EPHA5: variants seen among roughly 807,000 people sequenced by gnomAD.
EPHA5 encodes the protein ephrin type-A receptor 5.
Under a neutral mutation model 105.0 loss-of-function variants are expected in EPHA5, and 60 were observed. That is an observed-to-expected ratio of 0.57 (90% CI 0.46 to 0.71). The LOEUF (loss-of-function observed/expected upper bound fraction) is 0.71, where lower values mean the gene tolerates loss of function less well. Among genes scored for constraint, EPHA5 ranks in the 30% least tolerant of loss-of-function variants. The probability of loss-of-function intolerance (pLI) is 0.00; values close to 1 mark genes in which losing one functional copy is unlikely to be tolerated. For missense variants in EPHA5, 1,218 were observed against 1,274.7 expected, an observed-to-expected ratio of 0.96 and a Z score of 0.68; for synonymous variants, 513 against 449.1, an observed-to-expected ratio of 1.14 and a Z score of -1.80.
At chr4:65,365,662 TATATATATATATATATATATATATATA>T (rs1717815795) in intron 10 of EPHA5, among the ~76,000 whole-genome samples, 3 of 85,078 alleles carry the variant, frequency 3.5e-5, no homozygotes, top group South Asian at 3.1e-4. Flanking sequence ...TATATATATA[TATATATATATATATATATATATATATA>T]GTGAAACATT....
At chr4:65,558,716 G>A (rs978729543) in intron 3 of EPHA5, among the ~76,000 whole-genome samples, 1 of 151,726 alleles carries the variant, frequency 6.6e-6, no homozygotes, top group Non-Finnish European at 1.5e-5. Context: ...AACAGGCCCT[G>A]GTGTGTGATG....
At chr4:65,556,189 G>T (rs931752340) in intron 3 of EPHA5, among the ~76,000 whole-genome samples, 6 of 152,106 alleles carry the variant, frequency 3.9e-5, no homozygotes, top group Non-Finnish European at 8.8e-5. Flanking sequence ...AAAGCCAATT[G>T]GATGGTAAGT....
chr4:65,335,156 C>T (rs1721050930), intron 15 of EPHA5, among the ~76,000 whole-genome samples: 1 of 151,958 alleles, frequency 6.6e-6, no homozygotes, highest in Admixed American at 6.6e-5. Flanking sequence ...ATTAACATAA[C>T]ACTTTCTTGT....
chr4:65,517,996 T>C (rs1273024674), intron 3 of EPHA5, among the ~76,000 whole-genome samples: 3 of 151,928 alleles, frequency 2.0e-5, no homozygotes, highest in African/African-American at 7.2e-5. Context: ...AGATTAATTT[T>C]TGAGTTTTAG....
At chr4:65,500,777 A>C (rs898041945) in intron 3 of EPHA5, among the ~76,000 whole-genome samples, 1 of 150,256 alleles carries the variant, frequency 6.7e-6, no homozygotes, top group African/African-American at 2.4e-5. Context: ...TTAAAATACT[A>C]TACTTCTTTC....
chr4:65,654,430 T>C (rs987402076), intron 1 of EPHA5, among the ~76,000 whole-genome samples: 3 of 151,836 alleles, frequency 2.0e-5, no homozygotes, highest in South Asian at 2.1e-4. Context: ...AAATATTTAT[T>C]GAGTATCTAC....
rs368235184 is a variant in EPHA5 at position 65,641,496 on chromosome 4, A to G, written c.246+1867T>C. Among the ~76,000 whole-genome samples the G allele has an allele frequency of 1.4e-4, 21 of 152,284 alleles. No individual in the cohort carries two copies. The South Asian group carries it at 4.1e-3, about 30-fold the overall frequency. On this transcript the variant is annotated intron_variant, in intron 2 of 16. Coordinates refer to ENST00000613740, the MANE Select transcript of EPHA5 (RefSeq NM_001281766.3). The stretch of plus-strand genomic sequence containing the variant: ...TATTTCACCTACGATTATGTTGCTT[A>G]TCTAATCACAAATGGCACAGCCAAC...
Position 65,601,989 on chromosome 4 carries a change from G to T in EPHA5, c.562C>A (p.Leu188Ile). Residue 188 changes from leucine to isoleucine, a missense_variant, in exon 3 of 17, where the codon CTT becomes ATT. Around this residue, in one of 3 missense-constraint regions of EPHA5, gnomAD observed 14 missense variants for 33.7 expected, o/e 0.42. Coordinates refer to ENST00000613740, the MANE Select transcript of EPHA5 (RefSeq NM_001281766.3). ...AADESFTELDLGDRVMKLNTE... is the reference protein window; with the variant it reads ...AADESFTELDIGDRVMKLNTE... ...TTCAGTTTCATAACACGGTCACCAA[G>T]ATCAAGTTCTGTAAAGCTTTCATCG... 6.2e-7 allele frequency: 1 copy of T among 1,614,142 alleles called. No individual in the cohort carries two copies. The highest frequency in any genetic ancestry group is 8.5e-7 in the Non-Finnish European group (1 of 1,180,020).
At chr4:65,508,713 G>A (rs1340320635) in intron 3 of EPHA5, among the ~76,000 whole-genome samples, 2 of 151,932 alleles carry the variant, frequency 1.3e-5, no homozygotes, top group African/African-American at 4.8e-5. Flanking sequence ...CCCAGGTTGT[G>A]TATAATTTAA....
At chr4:65,622,014 T>C (rs1745744782) in intron 2 of EPHA5, among the ~76,000 whole-genome samples, 1 of 152,126 alleles carries the variant, frequency 6.6e-6, no homozygotes, top group Non-Finnish European at 1.5e-5. Context: ...TTAGATTCTA[T>C]TTGGCTGAAG....
At chr4:65,493,744 C>A (rs1731648637) in intron 4 of EPHA5, among the ~76,000 whole-genome samples, 1 of 151,880 alleles carries the variant, frequency 6.6e-6, no homozygotes, top group South Asian at 2.1e-4. Context: ...GCAGTCCTTG[C>A]CACCAAAGTA....
intron 3 of EPHA5, among the ~76,000 whole-genome samples, chr4:65,556,409 G>T (rs985926441): frequency 6.6e-6 from 1 of 152,116 alleles, no homozygotes; most frequent in African/African-American, 2.4e-5. Context: ...CAACATGACT[G>T]TATATAATTT....
chr4:65,465,945 A>C (rs897682107), intron 5 of EPHA5, among the ~76,000 whole-genome samples: 2 of 152,244 alleles, frequency 1.3e-5, no homozygotes, highest in African/African-American at 4.8e-5. Context: ...TCAGTAAACA[A>C]ATTATACTAT....
At chr4:65,466,786 T>C (rs1235792869) in intron 5 of EPHA5, among the ~76,000 whole-genome samples, 2 of 152,200 alleles carry the variant, frequency 1.3e-5, no homozygotes, top group Non-Finnish European at 1.5e-5. Context: ...TGGGAATATC[T>C]GATTGTAAGC....
chr4:65,573,272 G>A (rs1006857762), intron 3 of EPHA5, among the ~76,000 whole-genome samples: 2 of 151,608 alleles, frequency 1.3e-5, no homozygotes, highest in Admixed American at 6.6e-5. Context: ...TTAGCTGGGC[G>A]TGGTGGCAGG....
chr4:65,441,896 G>A (rs1726050565), intron 5 of EPHA5, among the ~76,000 whole-genome samples: 1 of 152,072 alleles, frequency 6.6e-6, no homozygotes, highest in African/African-American at 2.4e-5. Context: ...GTAAGTGCAT[G>A]CCTATAATCT....
chr4:65,506,322 G>A (rs1391211229), intron 3 of EPHA5, among the ~76,000 whole-genome samples: 1 of 150,488 alleles, frequency 6.6e-6, no homozygotes, highest in Non-Finnish European at 1.5e-5. Flanking sequence ...GTGTGCATGT[G>A]TCTTTATTGC....
chr4:65,420,987 C>T (rs2149038751), intron 5 of EPHA5, among the ~76,000 whole-genome samples: 1 of 152,020 alleles, frequency 6.6e-6, no homozygotes, highest in South Asian at 2.1e-4. Context: ...TAATTTATTA[C>T]ATTTGAAATT....
intron 8 of EPHA5, among the ~76,000 whole-genome samples, chr4:65,376,558 T>C (rs1422378697): frequency 6.6e-6 from 1 of 152,036 alleles, no homozygotes; most frequent in East Asian, 1.9e-4. Context: ...GTGCCACGTG[T>C]ATTCACAATG....
Sources: allele counts gnomAD v4.1 joint callset (sites outside exome capture counted in the v4.1 genomes callset), GRCh38; gene constraint gnomAD v4.1.1; regional missense constraint gnomAD v4.1.1; transcripts MANE v1.5; gene names NCBI Gene and HGNC (gene_info 2026-07-23, HGNC 2026-07-21).